PPP2R2B: variants seen among roughly 807,000 people sequenced by gnomAD.
PPP2R2B encodes the protein protein phosphatase 2 regulatory subunit Bbeta.
A neutral mutation model predicts 46.0 loss-of-function variants in PPP2R2B; 5 were observed. The ratio of observed to expected loss-of-function variants is 0.11; its 90% CI spans 0.06 to 0.23. PPP2R2B has a LOEUF of 0.23. PPP2R2B is among the 10% of genes least tolerant of loss of function. The probability of loss-of-function intolerance (pLI) is 1.00; values close to 1 mark genes in which losing one functional copy is unlikely to be tolerated. For missense variants in PPP2R2B, 367 were observed against 575.0 expected (o/e 0.64, Z 3.70); for synonymous variants, 215 against 206.7 (o/e 1.04, Z -0.34).
intron 2 of PPP2R2B, among the ~76,000 whole-genome samples, chr5:146,771,608 C>T (rs1442233960): frequency 1.3e-5 from 2 of 152,156 alleles, no homozygotes; most frequent in Admixed American, 1.3e-4. Flanking sequence ...AGCTGTCTAC[C>T]AATATCAGTC....
chr5:146,880,272 A>G (rs532172384), upstream of PPP2R2B, among the ~76,000 whole-genome samples: 13 of 150,852 alleles, frequency 8.6e-5, no homozygotes, highest in Admixed American at 7.9e-4. Flanking sequence ...TTTTATTTTC[A>G]TCTAGTGCTT....
At chr5:146,672,765 T>C (rs1777451944) in intron 5 of PPP2R2B, among the ~76,000 whole-genome samples, 1 of 152,242 alleles carries the variant, frequency 6.6e-6, no homozygotes, top group African/African-American at 2.4e-5. Context: ...TTCTTGTTAA[T>C]TTCCAAGTTC....
At chr5:146,900,199 A>T (rs927829686) in intron 1 of PPP2R2B, among the ~76,000 whole-genome samples, 3 of 152,212 alleles carry the variant, frequency 2.0e-5, no homozygotes, top group Non-Finnish European at 4.4e-5. Context: ...CACAGACAAG[A>T]TCCACTAATA....
At chr5:147,038,236 A>G (rs1287503320) in intron 1 of PPP2R2B, among the ~76,000 whole-genome samples, 1 of 152,202 alleles carries the variant, frequency 6.6e-6, no homozygotes, top group Admixed American at 6.5e-5. Context: ...CCTTGTTCTC[A>G]TAGAGCTTAC....
At chr5:146,913,353 C>T (rs1211856120) in intron 1 of PPP2R2B, among the ~76,000 whole-genome samples, 1 of 152,132 alleles carries the variant, frequency 6.6e-6, no homozygotes, top group Non-Finnish European at 1.5e-5. Flanking sequence ...CTCCAAGGGT[C>T]TTACTCTCTC....
intron 1 of PPP2R2B, among the ~76,000 whole-genome samples, chr5:147,027,339 A>T (rs1755571900): frequency 1.3e-5 from 2 of 152,142 alleles, no homozygotes; most frequent in African/African-American, 4.8e-5. Flanking sequence ...TTTCACCTCA[A>T]TTAAAAATTA....
chr5:146,989,052 G>A (rs1753563311), intron 1 of PPP2R2B, among the ~76,000 whole-genome samples: 2 of 152,026 alleles, frequency 1.3e-5, no homozygotes, highest in Non-Finnish European at 1.5e-5. Flanking sequence ...ATTGGATCAT[G>A]AAGAAATAGA....
intron 1 of PPP2R2B, among the ~76,000 whole-genome samples, chr5:146,946,520 T>G (rs1245606927): frequency 2.6e-5 from 4 of 152,190 alleles, no homozygotes; most frequent in Non-Finnish European, 5.9e-5. Flanking sequence ...CTCTGATGAC[T>G]GTGGGTCTAT....
intron 1 of PPP2R2B, among the ~76,000 whole-genome samples, chr5:147,049,989 T>C (rs1459100271): frequency 1.3e-5 from 2 of 152,064 alleles, no homozygotes; most frequent in East Asian, 3.9e-4. Context: ...ATTTATAGCA[T>C]GTGTGTGGAC....
intron 5 of PPP2R2B, among the ~76,000 whole-genome samples, chr5:146,672,056 A>C (rs1407075436): frequency 6.6e-6 from 1 of 152,240 alleles, no homozygotes. Flanking sequence ...GTGAAGACGG[A>C]AGCCAGGCTG....
intron 2 of PPP2R2B, chr5:146,856,436 T>C (rs1234089543): frequency 2.4e-6 from 3 of 1,262,306 alleles, no homozygotes; most frequent in Non-Finnish European, 3.4e-6. Context: ...CAATTGGAAC[T>C]ATTTAACACT....
intron 2 of PPP2R2B, among the ~76,000 whole-genome samples, chr5:146,762,319 G>A (rs997491019): frequency 1.3e-5 from 2 of 152,198 alleles, no homozygotes; most frequent in African/African-American, 2.4e-5. Flanking sequence ...ACTCACTTCA[G>A]CATTCTCTGA....
At chr5:146,869,279 C>T (rs1230867275) in intron 2 of PPP2R2B, among the ~76,000 whole-genome samples, 1 of 152,170 alleles carries the variant, frequency 6.6e-6, no homozygotes, top group Non-Finnish European at 1.5e-5. Context: ...GAACTGTCAT[C>T]TCAGCTTTAA....
intron 2 of PPP2R2B, among the ~76,000 whole-genome samples, chr5:147,064,043 G>A (rs755783540): frequency 5.3e-5 from 8 of 152,178 alleles, no homozygotes; most frequent in Admixed American, 1.3e-4. Context: ...CTCATTCAGC[G>A]AGGACCTTCC....
chr5:146,805,040 C>T (rs1451612714), intron 2 of PPP2R2B, among the ~76,000 whole-genome samples: 2 of 152,198 alleles, frequency 1.3e-5, no homozygotes, highest in African/African-American at 4.8e-5. Flanking sequence ...TTCTCCTCCT[C>T]AAGCTGTGAG....
rs142320073 is a variant in PPP2R2B, at chr5:147,081,324, C to T, written c.-96G>A. On this transcript the variant is annotated 5_prime_UTR_variant, in exon 1 of 11. Transcript: ENST00000394413. ...GAGGACGGTCAGTCTGCAAGTACCA[C>T]GTCCTGCTGTGAATCACTGCTCTGT... 169 of 1,532,356 alleles carry T rather than the reference C, an allele frequency of 1.1e-4. No homozygotes were observed. In the East Asian group the frequency reaches 2.9e-3, roughly 26 times the overall value. The allele number at this position is 1,532,356 out of a possible 1,614,324, so 94.9% of individuals were successfully genotyped here. A position where few individuals can be genotyped will look rare whatever the true frequency, so the allele number is the denominator to read the frequency against.
chr5:147,021,637 C>A (rs1324352123), intron 1 of PPP2R2B, among the ~76,000 whole-genome samples: 1 of 152,116 alleles, frequency 6.6e-6, no homozygotes, highest in African/African-American at 2.4e-5. Context: ...AGGGTGATAG[C>A]TAATCTAGAT....
chr5:146,912,099 C>T (rs1452076699), intron 1 of PPP2R2B, among the ~76,000 whole-genome samples: 1 of 151,872 alleles, frequency 6.6e-6, no homozygotes, highest in Non-Finnish European at 1.5e-5. Flanking sequence ...GTTAGCCGGG[C>T]ATGGCGGCAT....
chr5:146,924,675 A>T (rs1166995029), intron 1 of PPP2R2B, among the ~76,000 whole-genome samples: 3 of 152,120 alleles, frequency 2.0e-5, no homozygotes, highest in African/African-American at 7.2e-5. Context: ...ACCATCCTGA[A>T]ATTTGAAATA....
Sources: allele counts gnomAD v4.1 joint callset (sites outside exome capture counted in the v4.1 genomes callset), GRCh38; gene constraint gnomAD v4.1.1; transcripts MANE v1.5; gene names NCBI Gene and HGNC (gene_info 2026-07-23, HGNC 2026-07-21).